AUTS2: variants seen among roughly 807,000 people sequenced by gnomAD.
AUTS2 encodes activator of transcription and developmental regulator AUTS2.
In AUTS2, 17 loss-of-function variants were observed where a neutral mutation model predicts 112.4. The ratio of observed to expected loss-of-function variants is 0.15; its 90% confidence interval spans 0.10 to 0.23. The LOEUF is 0.23. AUTS2 is among the 10% of genes least tolerant of loss of function. AUTS2 has a pLI of 1.00. For synonymous variants in AUTS2, 751 were observed against 702.7 expected (o/e 1.07, Z -1.09); for missense variants, 1,510 against 1,701.6 (o/e 0.89, Z 1.98).
At chr7:69,699,665 G>A (rs567066279) in intron 1 of AUTS2, among the ~76,000 whole-genome samples, 2 of 103,070 alleles carry the variant, frequency 1.9e-5, no homozygotes, top group South Asian at 3.2e-4. Flanking sequence ...TTTTTTTCCC[G>A]AGACAGAATC....
chr7:70,475,900 G>T (rs1797564456), intron 5 of AUTS2, among the ~76,000 whole-genome samples: 1 of 152,088 alleles, frequency 6.6e-6, no homozygotes, highest in Admixed American at 6.6e-5. Context: ...ATGGTGGTGG[G>T]TGCCTGTAGT....
chr7:70,094,115 C>G (rs1255554381), intron 2 of AUTS2, among the ~76,000 whole-genome samples: 1 of 152,170 alleles, frequency 6.6e-6, no homozygotes, highest in Non-Finnish European at 1.5e-5. Flanking sequence ...TGAGGACTTT[C>G]CCATTTTCCC....
intron 4 of AUTS2, among the ~76,000 whole-genome samples, chr7:70,248,551 T>C (rs1041913087): frequency 9.9e-5 from 15 of 152,224 alleles, no homozygotes; most frequent in African/African-American, 3.6e-4. Context: ...AATATTTGTC[T>C]GTTAAATGGA....
intron 2 of AUTS2, among the ~76,000 whole-genome samples, chr7:69,975,556 T>C (rs954036203): frequency 6.6e-6 from 1 of 152,180 alleles, no homozygotes; most frequent in Non-Finnish European, 1.5e-5. Flanking sequence ...TTTGTTTGTT[T>C]GTTTTGTTTT....
intron 5 of AUTS2, among the ~76,000 whole-genome samples, chr7:70,670,648 T>C (rs1323047684): frequency 1.4e-5 from 2 of 141,054 alleles, no homozygotes; most frequent in African/African-American, 5.1e-5. Flanking sequence ...CTGCACAGCC[T>C]TGGCTGACAC....
intron 5 of AUTS2, among the ~76,000 whole-genome samples, chr7:70,676,410 C>A (rs541945021): frequency 5.9e-5 from 9 of 151,466 alleles, no homozygotes; most frequent in Non-Finnish European, 8.8e-5. Context: ...CCAGTCTGGG[C>A]GACAGAGCCA....
At chr7:70,691,853 C>T (rs1808769539) in intron 5 of AUTS2, among the ~76,000 whole-genome samples, 1 of 150,960 alleles carries the variant, frequency 6.6e-6, no homozygotes, top group Non-Finnish European at 1.5e-5. Flanking sequence ...GAGGCCTAAT[C>T]CCTGGTAACC....
chr7:70,609,084 G>A (rs146248463), intron 5 of AUTS2, among the ~76,000 whole-genome samples: 8 of 152,180 alleles, frequency 5.3e-5, no homozygotes, highest in Non-Finnish European at 1.2e-4. Context: ...TTTTTGTGAT[G>A]AGAACACTTA....
chr7:69,629,093 A>G (rs720056), intron 1 of AUTS2, among the ~76,000 whole-genome samples: 108,318 of 152,026 alleles, frequency 0.71, 38,650 homozygotes, highest in East Asian at 0.78. Context: ...TGAGCTTAGC[A>G]TGGACTGAAA....
intron 5 of AUTS2, among the ~76,000 whole-genome samples, chr7:70,669,806 A>G (rs550500666): frequency 1.2e-4 from 19 of 152,234 alleles, no homozygotes; most frequent in Non-Finnish European, 2.6e-4. Flanking sequence ...AGGATGCTTC[A>G]GCATTGTACC....
chr7:70,225,423 TG>T lies in AUTS2; in HGVS notation c.660+90855del, dbSNP rs374800927. ...TTTAATTTCTCTTATAGCATCTTGA[TG>T]GGTAGTCATTCTGCCTAAAGGAGAA... On this transcript the variant is annotated intron_variant, in intron 4 of 18. Transcript: ENST00000342771. 1.4e-3 allele frequency among the ~76,000 whole-genome samples: 219 copies of T among 152,294 alleles called. 1 individual carries two copies. The highest frequency in any genetic ancestry group is 5.2e-3 in the African/African-American group (215 of 41,560).
At chr7:70,116,704 A>G (rs1328580809) in intron 2 of AUTS2, among the ~76,000 whole-genome samples, 1 of 152,076 alleles carries the variant, frequency 6.6e-6, no homozygotes, top group Non-Finnish European at 1.5e-5. Flanking sequence ...TTTCTCCTCA[A>G]TGGAGTATCT....
At chr7:69,667,181 C>T (rs1045655034) in intron 1 of AUTS2, among the ~76,000 whole-genome samples, 3 of 152,062 alleles carry the variant, frequency 2.0e-5, no homozygotes, top group Non-Finnish European at 4.4e-5. Context: ...TATCCCTACT[C>T]CCACAATAAC....
At chr7:69,642,425 ATTTGG>A (rs1794836874) in intron 1 of AUTS2, among the ~76,000 whole-genome samples, 1 of 152,222 alleles carries the variant, frequency 6.6e-6, no homozygotes, top group Non-Finnish European at 1.5e-5. Context: ...AAAATGGAAT[ATTTGG>A]TTTGACTTAC....
intron 4 of AUTS2, among the ~76,000 whole-genome samples, chr7:70,192,344 G>A (rs73171706): frequency 1.2e-4 from 18 of 152,170 alleles, no homozygotes; most frequent in Non-Finnish European, 2.1e-4. Flanking sequence ...CATGAATTTA[G>A]TGTGGGCCCT....
chr7:70,316,922 T>C (rs1790023099), intron 4 of AUTS2: 1 of 152,200 alleles, frequency 6.6e-6, no homozygotes, highest in Admixed American at 6.5e-5. Flanking sequence ...TCTCACATCC[T>C]CTCCTGCAAC....
intron 5 of AUTS2, among the ~76,000 whole-genome samples, chr7:70,509,846 A>C (rs555471405): frequency 6.6e-6 from 1 of 152,220 alleles, no homozygotes; most frequent in Admixed American, 6.5e-5. Flanking sequence ...ATACAAAAAA[A>C]GTGAGCAAGA....
chr7:69,759,173 A>G (rs1356661845), intron 1 of AUTS2, among the ~76,000 whole-genome samples: 3 of 152,062 alleles, frequency 2.0e-5, no homozygotes, highest in Admixed American at 2.0e-4. Context: ...CGGGGAACCT[A>G]TACACTTAAT....
chr7:70,116,328 T>A (rs1157116419), intron 2 of AUTS2, among the ~76,000 whole-genome samples: 1 of 152,192 alleles, frequency 6.6e-6, no homozygotes, highest in African/African-American at 2.4e-5. Context: ...ATGCCTTGTT[T>A]TGGAGACTTG....
Sources: allele counts gnomAD v4.1 joint callset (sites outside exome capture counted in the v4.1 genomes callset), GRCh38; gene constraint gnomAD v4.1.1; transcripts MANE v1.5; gene names NCBI Gene and HGNC (gene_info 2026-07-23, HGNC 2026-07-21).